The following USP43 variants were observed in gnomAD, a reference collection of about 807,000 sequenced individuals.
The protein encoded by USP43 is ubiquitin carboxyl-terminal hydrolase 43.
USP43 carries 33 observed loss-of-function variants against 90.7 expected under a neutral mutation model. The ratio of observed to expected loss-of-function variants is 0.36; its 90% CI spans 0.28 to 0.49. USP43 has a LOEUF of 0.49. Ranked by LOEUF, USP43 falls within the 20% of genes least tolerant of loss-of-function variation. The probability of loss-of-function intolerance (pLI) is 0.98; values close to 1 mark genes in which losing one functional copy is unlikely to be tolerated. For missense variants in USP43, 1,274 were observed against 1,476.4 expected (o/e 0.86, Z 2.25); for synonymous variants, 598 against 615.8 (o/e 0.97, Z 0.43).
chr17:9,685,330 A>T (rs1194161576), intron 7 of USP43, among the ~76,000 whole-genome samples: 1 of 152,214 alleles, frequency 6.6e-6, no homozygotes. Flanking sequence ...GCGCAGGCTC[A>T]CCCAGCATTC....
At chr17:9,645,417 G>C, upstream of USP43, 1 of 301,672 alleles carries the variant, frequency 3.3e-6, no homozygotes, top group Non-Finnish European at 5.8e-6. This position sits in a 1 kb window ranked among gnomAD's most constrained non-coding sequence, Gnocchi z 6.8. Flanking sequence ...CAGGGGTAGG[G>C]GTGGCCCGGC....
At chr17:9,717,576 T>C (rs1394987987) in intron 14 of USP43, among the ~76,000 whole-genome samples, 7 of 152,064 alleles carry the variant, frequency 4.6e-5, no homozygotes, top group Non-Finnish European at 1.0e-4. Context: ...ATTCTCCCCA[T>C]GTCTGCGTGG....
In USP43 at chr17:9,728,373, G is replaced by A. The variant is rs1188927418; in HGVS notation, c.2755G>A (p.Ala919Thr). The A allele has an allele frequency of 6.2e-7, 1 of 1,608,738 alleles. No individual in the cohort carries two copies. The highest frequency in any genetic ancestry group is 1.3e-5 in the African/African-American group (1 of 74,772). Residue 919 changes from alanine (A) to threonine (T), a missense_variant, in exon 15 of 15, where the codon GCA becomes ACA. This residue lies in a region of USP43 where 353 missense variants were observed against 329.7 expected (regional missense o/e 1.07). Transcript: ENST00000285199. The surrounding 1 kb of genome is among the most constrained non-coding windows in gnomAD (Gnocchi z 6.2). Reference protein sequence around the residue: ...PNTARKLKENAGQDIKLPRKF... With the variant: ...PNTARKLKENTGQDIKLPRKF... ...CACAGCAAGGAAACTCAAGGAAAAT[G>A]CAGGGCAGGACATCAAGCTTCCCAG...
chr17:9,655,358 G>C (rs2151963182), intron 1 of USP43, among the ~76,000 whole-genome samples: 1 of 152,354 alleles, frequency 6.6e-6, no homozygotes, highest in African/African-American at 2.4e-5. Context: ...TATAGCAAAA[G>C]TCCCTGGAGA....
chr17:9,704,568 C>T (rs1479832642), intron 12 of USP43, among the ~76,000 whole-genome samples: 1 of 152,182 alleles, frequency 6.6e-6, no homozygotes, highest in Non-Finnish European at 1.5e-5. Flanking sequence ...CTGCCTTCCT[C>T]GGCCTCCCAA....
chr17:9,715,598 G>A (rs1334965841), intron 14 of USP43, among the ~76,000 whole-genome samples: 1 of 150,034 alleles, frequency 6.7e-6, no homozygotes, highest in Non-Finnish European at 1.5e-5. Flanking sequence ...TTGTGTCTTT[G>A]TGTGTGTGTC....
intron 9 of USP43, among the ~76,000 whole-genome samples, chr17:9,698,530 A>G (rs141211555): frequency 1.8e-4 from 28 of 152,252 alleles, no homozygotes; most frequent in Non-Finnish European, 3.8e-4. Flanking sequence ...ATTGTTAGGT[A>G]TATACATTTC....
intron 5 of USP43, among the ~76,000 whole-genome samples, chr17:9,678,380 C>T (rs942956742): frequency 1.3e-5 from 2 of 152,124 alleles, no homozygotes; most frequent in African/African-American, 2.4e-5. Context: ...TATTTTTTGA[C>T]GGAGTCTCCC....
rs879773925 is a variant in USP43 at position 9,667,203 on chromosome 17, A to AAC, written c.740+453_740+454insCA. ...TAGGGAGACCCCATCTGTACCAAAA[A>AAC]AAACCACAAAAAACAAAAACAAAAC... On this transcript the variant is annotated intron_variant, in intron 3 of 14. Coordinates refer to ENST00000285199, the MANE Select transcript of USP43 (RefSeq NM_153210.5). 3.0e-3 allele frequency among the ~76,000 whole-genome samples: 457 copies of AAC among 152,132 alleles called. 1 individual carries two copies. Among genetic ancestry groups the AAC allele is most frequent in the South Asian group, 7.5e-3 (36 of 4,806 alleles).
chr17:9,702,015 G>C (rs1915605270), intron 12 of USP43, among the ~76,000 whole-genome samples: 1 of 152,214 alleles, frequency 6.6e-6, no homozygotes, highest in African/African-American at 2.4e-5. Context: ...GAGAGCAGAA[G>C]GGACCTTGTC....
At chr17:9,710,300 T>C (rs1036924610) in intron 13 of USP43, among the ~76,000 whole-genome samples, 186 bp downstream of exon 13, 1 of 152,106 alleles carries the variant, frequency 6.6e-6, no homozygotes, top group African/African-American at 2.4e-5. Context: ...GTGGGATGGA[T>C]GGATTATAAT....
chr17:9,715,639 TTGTG>T (rs1228844163), intron 14 of USP43, among the ~76,000 whole-genome samples: 2 of 148,884 alleles, frequency 1.3e-5, no homozygotes, highest in East Asian at 2.0e-4. Context: ...TGTGTGTTTC[TTGTG>T]TGTGTGTCTC....
chr17:9,655,772 A>C (rs1387417682), intron 1 of USP43, among the ~76,000 whole-genome samples: 1 of 152,238 alleles, frequency 6.6e-6, no homozygotes, highest in African/African-American at 2.4e-5. Context: ...AAAGGAATGA[A>C]GGGCTGGCTC....
chr17:9,648,686 T>G (rs1216312555), intron 1 of USP43, among the ~76,000 whole-genome samples: 1 of 151,968 alleles, frequency 6.6e-6, no homozygotes, highest in African/African-American at 2.4e-5. Context: ...TTCCAGGACC[T>G]GGGAACTGGA....
intron 2 of USP43, among the ~76,000 whole-genome samples, chr17:9,662,509 A>G (rs1912714401): frequency 6.6e-6 from 1 of 152,102 alleles, no homozygotes; most frequent in South Asian, 2.1e-4. Context: ...CCACTCCCAC[A>G]GTTGGGGGCC....
rs142744302 is a variant in USP43 at position 9,648,499 on chromosome 17, C to G, written c.504+2363C>G. On this transcript the variant is annotated intron_variant, in intron 1 of 14. Coordinates refer to ENST00000285199, the MANE Select transcript of USP43 (RefSeq NM_153210.5). ...CACAGGCACATGATTGGAACAGAAA[C>G]ATGTTAGAAAGGACAAATACAAGGT... is the stretch of plus-strand genomic sequence containing the variant. Among the ~76,000 whole-genome samples, 53 of 152,250 alleles carry G rather than the reference C, an allele frequency of 3.5e-4. No homozygotes were observed. The East Asian group carries it at 8.3e-3, about 24-fold the overall frequency.
In USP43 at chr17:9,721,720, ATT is replaced by A. The variant is rs11340592; in HGVS notation, c.2336-6215_2336-6214del. Among the ~76,000 whole-genome samples the A allele has an allele frequency of 1.9e-3, 230 of 119,028 alleles. 1 individual carries two copies. Among genetic ancestry groups the A allele is most frequent in the African/African-American group, 6.3e-3 (195 of 30,738 alleles). The allele number at this position is 119,028 out of a possible 152,430, so 78.1% of individuals were successfully genotyped here. A position where few individuals can be genotyped will look rare whatever the true frequency, so the allele number is the denominator to read the frequency against. ...TAATGAAACCTTCCTGTATAGCTGT[ATT>A]TTTTTTTTTTTTTTTTTTGAGACCG... On this transcript the variant is annotated intron_variant, in intron 14 of 14. Coordinates refer to ENST00000285199, the MANE Select transcript of USP43 (RefSeq NM_153210.5).
Position 9,645,636 on chromosome 17 carries a change from G to T in USP43, c.4G>T (p.Asp2Tyr). The T allele has an allele frequency of 8.2e-7, 1 of 1,222,974 alleles. No homozygotes were observed. Among genetic ancestry groups the T allele is most frequent in the Non-Finnish European group, 1.0e-6 (1 of 984,142 alleles). 75.8% of individuals were successfully genotyped at this position (1,222,974 alleles called of 1,614,324 possible). A position where few individuals can be genotyped will look rare whatever the true frequency, so the allele number is the denominator to read the frequency against. The change falls in exon 1 of 15, where the codon GAC becomes TAC. Residue 2 changes from aspartate to tyrosine, a missense_variant. Transcript: ENST00000285199. The surrounding 1 kb of genome is among the most constrained non-coding windows in gnomAD (Gnocchi z 6.8). ...TGGAGCTGCGCCGGCGGCAGCCATG[G>T]ACCTGGGCCCCGGGGACGCGGCAGG... is the stretch of plus-strand genomic sequence containing the variant. The part of the protein sequence containing the change: M[D>Y]LGPGDAAGGG...
intron 14 of USP43, among the ~76,000 whole-genome samples, chr17:9,713,875 A>C (rs1023477968): frequency 2.6e-5 from 4 of 152,198 alleles, no homozygotes; most frequent in Non-Finnish European, 5.9e-5. Flanking sequence ...ATTTTTTGAC[A>C]CAGTAATTTT....
Sources: gnomAD v4.1 joint callset for allele counts (sites outside exome capture counted in the v4.1 genomes callset) on GRCh38, gnomAD v4.1.1 for gene constraint, gnomAD v4.1.1 regional missense constraint, Gnocchi (gnomAD v3.1) non-coding constraint, MANE v1.5 for transcripts, NCBI Gene and HGNC (gene_info 2026-07-23, HGNC 2026-07-21) for gene names.